The following ANAPC5 variants were observed in gnomAD, a reference collection of about 807,000 sequenced individuals.
ANAPC5 encodes the protein anaphase-promoting complex subunit 5.
In ANAPC5, 60 loss-of-function variants were observed where a neutral mutation model predicts 91.3. That is an observed-to-expected ratio of 0.66 (90% confidence interval 0.53 to 0.81). ANAPC5 has a LOEUF of 0.81. Among genes scored for constraint, ANAPC5 ranks in the 40% least tolerant of loss-of-function variants. The pLI is 0.00. For missense variants in ANAPC5, 690 were observed against 931.5 expected (o/e 0.74, Z 3.37); for synonymous variants, 340 against 364.1 (o/e 0.93, Z 0.75).
At chr12:121,348,293 T>G (rs1903749469) in intron 1 of ANAPC5, among the ~76,000 whole-genome samples, 1 of 152,226 alleles carries the variant, frequency 6.6e-6, no homozygotes, top group Non-Finnish European at 1.5e-5. Context: ...ATACTATTTT[T>G]CACAAACACA....
intron 11 of ANAPC5, among the ~76,000 whole-genome samples, chr12:121,321,532 CTTTTTT>C (rs59155973): frequency 8.3e-6 from 1 of 120,442 alleles, no homozygotes; most frequent in African/African-American, 3.3e-5. Flanking sequence ...ATACAAAATC[CTTTTTT>C]TTTTTTTTTT....
intron 2 of ANAPC5, 33 bp downstream of exon 2, chr12:121,347,769 C>CT: frequency 6.5e-7 from 1 of 1,526,980 alleles, no homozygotes; most frequent in Non-Finnish European, 9.1e-7. Context: ...ACCTTCACAC[C>CT]TTTTCATATA....
chr12:121,310,676 G>A (rs1902129180), intron 15 of ANAPC5, among the ~76,000 whole-genome samples: 1 of 152,020 alleles, frequency 6.6e-6, no homozygotes, highest in Non-Finnish European at 1.5e-5. Flanking sequence ...GCTCACATCT[G>A]TAATCCCAGC....
At chr12:121,332,022 G>C (rs576238726) in intron 7 of ANAPC5, 1 of 152,170 alleles carries the variant, frequency 6.6e-6, no homozygotes, top group East Asian at 1.9e-4. Context: ...TTTAAAAATA[G>C]ATATAGAGTC....
rs75718536 is a variant in ANAPC5, at chr12:121,338,160, G to A, written c.658-768C>T. ...AGGCAGAGGCTGAGGCATGAGTATC[G>A]CTTGAGCCCAGGAGTTCAAGAACAA... On this transcript the variant is annotated intron_variant, in intron 5 of 16. Coordinates refer to ENST00000261819, the MANE Select transcript of ANAPC5 (RefSeq NM_016237.5). Among the ~76,000 whole-genome samples the A allele has an allele frequency of 7.1e-3, 1,070 of 150,976 alleles. 14 individuals are homozygous for A. Among genetic ancestry groups the A allele is most frequent in the African/African-American group, 0.025 (1,013 of 41,170 alleles).
chr12:121,338,761 CTGTA>C (rs1372984956), intron 5 of ANAPC5, among the ~76,000 whole-genome samples: 6 of 151,346 alleles, frequency 4.0e-5, no homozygotes, highest in Admixed American at 2.6e-4. Flanking sequence ...AGTCTTTGTT[CTGTA>C]TGTGTGTATA....
chr12:121,309,638 G>T, intron 16 of ANAPC5, 63 bp downstream of exon 16: 1 of 1,505,318 alleles, frequency 6.6e-7, no homozygotes, highest in Non-Finnish European at 8.9e-7. Context: ...TCTTCTTCTG[G>T]GTCCTAAACT....
chr12:121,321,343 C>CTTTTTTTTTTTTTTTT (rs71079053), intron 11 of ANAPC5, among the ~76,000 whole-genome samples: 1 of 100,672 alleles, frequency 9.9e-6, no homozygotes. Context: ...AAACAAATTA[C>CTTTTTTTTTTTTTTTT]TTTTTTTTTT....
rs1903692146 is a variant in ANAPC5, at chr12:121,346,973, T to G, written c.320A>C (p.Asp107Ala). 1.2e-6 allele frequency: 2 copies of G among 1,611,074 alleles called. No homozygotes were observed. The highest frequency in any genetic ancestry group is 2.7e-5 in the African/African-American group (2 of 74,754). ...AAGGTCATCAAAAAACTGTTCCATA[T>G]CCTTCAACTCGCCTTCAGCCATCAG... ...IKLMAEGELK[D>A]MEQFFDDLSD... Residue 107 changes from aspartate (D) to alanine (A), a missense_variant, in exon 3 of 17, where the codon GAT (aspartate) becomes GCT (alanine). This residue lies in a region of ANAPC5 where 238 missense variants were observed against 264.9 expected (regional missense o/e 0.90). Coordinates refer to ENST00000261819, the MANE Select transcript of ANAPC5 (RefSeq NM_016237.5).
chr12:121,319,569 T>C (rs1347900639), intron 13 of ANAPC5, 128 bp downstream of exon 13: 1 of 1,020,390 alleles, frequency 9.8e-7, no homozygotes, highest in Non-Finnish European at 1.4e-6. Context: ...TGCTTACCTG[T>C]ATTTTCTTAT....
chr12:121,346,846 TG>T, intron 3 of ANAPC5, 49 bp downstream of exon 3: 1 of 1,137,936 alleles, frequency 8.8e-7, no homozygotes, highest in Middle Eastern at 2.0e-4. Context: ...CTTAGAAAGC[TG>T]CTCACTTCAA....
intron 7 of ANAPC5, chr12:121,332,897 C>G (rs1308068433): frequency 6.6e-6 from 1 of 152,204 alleles, no homozygotes; most frequent in South Asian, 2.1e-4. Flanking sequence ...CCTATAATCC[C>G]AGCACTTTGG....
intron 15 of ANAPC5, among the ~76,000 whole-genome samples, chr12:121,312,661 C>T (rs1474014169): frequency 5.5e-5 from 8 of 145,600 alleles, no homozygotes; most frequent in Non-Finnish European, 1.0e-4. Flanking sequence ...GAGCTGAGAT[C>T]GCACCACCGC....
Position 121,352,352 on chromosome 12 carries a change from ACTAAGTCTCGGG to A in ANAPC5, c.-24_-13del, listed in dbSNP as rs782585880. 2 of 1,586,068 alleles carry A rather than the reference ACTAAGTCTCGGG, an allele frequency of 1.3e-6. No homozygotes were observed. The highest frequency in any genetic ancestry group is 1.7e-6 in the Non-Finnish European group (2 of 1,163,112). On this transcript the variant is annotated 5_prime_UTR_variant, in exon 1 of 17. Transcript: ENST00000261819. ...TGGACGCTGGCCATGGCGGCCCGAG[ACTAAGTCTCGGG>A]CCCGCGGCGCGCTGCCGCCAGTTGT...
In ANAPC5 at chr12:121,308,267, T is replaced by C. The variant is rs1226684977; in HGVS notation, c.*213A>G. 2 of 536,708 alleles carry C rather than the reference T, an allele frequency of 3.7e-6. No individual in the cohort carries two copies. The highest frequency in any genetic ancestry group is 3.8e-5 in the African/African-American group (2 of 52,802). 33.2% of individuals were successfully genotyped at this position (536,708 alleles called of 1,614,324 possible). ...AACTTGTTAGCAAAATACCCATTTA[T>C]TAAGAAAAAGTTGGTGTCCTTTGCT... On this transcript the variant is annotated 3_prime_UTR_variant, in exon 17 of 17. Coordinates refer to ENST00000261819, the MANE Select transcript of ANAPC5 (RefSeq NM_016237.5).
intron 3 of ANAPC5, 69 bp downstream of exon 3, chr12:121,346,827 T>TA: frequency 1.1e-6 from 1 of 917,796 alleles, no homozygotes; most frequent in Non-Finnish European, 1.6e-6. Flanking sequence ...AGAACAATGA[T>TA]AGACATGACT....
At chr12:121,337,045 C>T (rs1358007988) in intron 6 of ANAPC5, among the ~76,000 whole-genome samples, 2 of 152,114 alleles carry the variant, frequency 1.3e-5, no homozygotes, top group African/African-American at 2.4e-5. Context: ...TGGTGAAACC[C>T]CATCTCTACT....
chr12:121,325,224 A>G (rs1555272172), intron 11 of ANAPC5, among the ~76,000 whole-genome samples: 1 of 152,174 alleles, frequency 6.6e-6, no homozygotes, highest in Admixed American at 6.6e-5. Flanking sequence ...ACACTCTGGG[A>G]GGCCAAGGCA....
intron 8 of ANAPC5, 162 bp from the exon 9 acceptor site, chr12:121,330,834 T>C (rs187119656): frequency 8.6e-5 from 49 of 567,304 alleles, no homozygotes; most frequent in East Asian, 2.8e-4. Flanking sequence ...CTGTCAAACA[T>C]ATCAACATCA....
Sources: gnomAD v4.1 joint callset for allele counts (sites outside exome capture counted in the v4.1 genomes callset) on GRCh38, gnomAD v4.1.1 for gene constraint, gnomAD v4.1.1 regional missense constraint, MANE v1.5 for transcripts, NCBI Gene and HGNC (gene_info 2026-07-23, HGNC 2026-07-21) for gene names.